Variants in ACSM4 observed in about 807,000 individuals in gnomAD.
ACSM4 encodes acyl-coenzyme A synthetase ACSM4, mitochondrial.
In ACSM4, 66 loss-of-function variants were observed where a neutral mutation model predicts 73.0. The ratio of observed to expected loss-of-function variants is 0.90; its 90% CI spans 0.74 to 1.11. The LOEUF is 1.11. Ranked by LOEUF, ACSM4 falls within the 50% of genes least tolerant of loss-of-function variation. ACSM4 has a pLI of 0.00. For missense variants in ACSM4, 645 were observed against 714.4 expected, an observed-to-expected ratio of 0.90 and a Z score of 1.11; for synonymous variants, 222 against 254.0, an observed-to-expected ratio of 0.87 and a Z score of 1.20.
chr12:7,319,127 C>A (rs779849869), intron 5 of ACSM4, among the ~76,000 whole-genome samples: 1 of 152,138 alleles, frequency 6.6e-6, no homozygotes, highest in South Asian at 2.1e-4. Flanking sequence ...ACTAGACAGT[C>A]CCATCTGGGG....
Position 7,324,375 on chromosome 12 carries a change from G to A in ACSM4, c.1411G>A (p.Ala471Thr). Reference protein sequence around the residue: ...SDGYFWFVGRADDVIISSGYR... With the variant: ...SDGYFWFVGRTDDVIISSGYR... ...TGGGTATTTCTGGTTTGTCGGCAGAGCTGATGATGTCATTATATCCTCTGG... is the reference window on the plus strand; with the variant it reads ...TGGGTATTTCTGGTTTGTCGGCAGAACTGATGATGTCATTATATCCTCTGG... The change falls in exon 10 of 13, where the codon GCT becomes ACT. Residue 471 changes from alanine to threonine, a missense_variant. By Grantham distance (58) the Ala-to-Thr change is moderately conservative. Transcript: ENST00000399422. The A allele has an allele frequency of 6.2e-7, 1 of 1,614,132 alleles. No homozygotes were observed. Among genetic ancestry groups the A allele is most frequent in the South Asian group, 1.1e-5 (1 of 91,084 alleles).
At chr12:7,306,508 C>T in intron 1 of ACSM4, 25 bp from the exon 2 acceptor site, 1 of 1,557,886 alleles carries the variant, frequency 6.4e-7, no homozygotes, top group Non-Finnish European at 8.7e-7. Context: ...ACCTACCCCT[C>T]TCTTTTCCAT....
chr12:7,306,842 G>GAAAA, intron 2 of ACSM4, 99 bp downstream of exon 2: 2 of 455,044 alleles, frequency 4.4e-6, no homozygotes, highest in Non-Finnish European at 5.9e-6. Context: ...TATGCATACA[G>GAAAA]AAGACAAAAA....
In ACSM4 at chr12:7,317,065, T is replaced by C. The variant is rs1392226091; in HGVS notation, c.621-72T>C. 2.0e-6 allele frequency: 3 copies of C among 1,518,638 alleles called. No individual in the cohort carries two copies. The East Asian group carries it at 7.1e-5, about 36-fold the overall frequency. The allele number at this position is 1,518,638 out of a possible 1,614,324, so 94.1% of individuals were successfully genotyped here. On this transcript the variant is annotated intron_variant, in intron 3 of 12. Transcript: ENST00000399422. Reference sequence around the variant, plus strand: ...CTGGTAGCAAGAGGGCATAAGTAGTTGAGCAGAGGAAATATCAGAGTCAAA... The same window carrying C: ...CTGGTAGCAAGAGGGCATAAGTAGTCGAGCAGAGGAAATATCAGAGTCAAA...
At chr12:7,309,643 C>G (rs966803357) in intron 2 of ACSM4, among the ~76,000 whole-genome samples, 1 of 152,014 alleles carries the variant, frequency 6.6e-6, no homozygotes, top group Middle Eastern at 3.4e-3. Flanking sequence ...GCTCAAGTGA[C>G]CCTCCTGCCT....
rs762385941 is a variant in ACSM4 at position 7,324,591 on chromosome 12, G to A, written c.1529G>A (p.Arg510His). 9 of 1,613,714 alleles carry A rather than the reference G, an allele frequency of 5.6e-6. No individual in the cohort carries two copies. The highest frequency in any genetic ancestry group is 2.7e-5 in the African/African-American group (2 of 74,906). The part of the protein sequence containing the change: ...SAVVSSPDQI[R>H]GEVVKAFVVL... ...GTTGTCAGTAGTCCAGATCAAATCCGCGGAGAGGTAGATGAATGTCATTTA... is the reference window on the plus strand; with the variant it reads ...GTTGTCAGTAGTCCAGATCAAATCCACGGAGAGGTAGATGAATGTCATTTA... The change falls in exon 11 of 13, where the codon CGC becomes CAC. Residue 510 changes from arginine (R) to histidine (H), a missense_variant. Physicochemically the swap from Arg to His is conservative, Grantham distance 29. Coordinates refer to ENST00000399422, the MANE Select transcript of ACSM4 (RefSeq NM_001080454.2).
chr12:7,304,461 T>C lies in ACSM4; in HGVS notation c.130T>C (p.Cys44Arg), dbSNP rs757791023. 15 of 1,613,914 alleles carry C rather than the reference T, an allele frequency of 9.3e-6. No homozygotes were observed. The highest frequency in any genetic ancestry group is 5.0e-5 in the Admixed American group (3 of 60,014). Residue 44 changes from cysteine (C) to arginine (R), a missense_variant, in exon 1 of 13, where the codon TGT becomes CGT. Transcript: ENST00000399422. ...TGCTGACTTTGAAGCCATAAATCGC[T>C]GTAACAGGCCATTGCCTAAAAACTT... The part of the protein sequence containing the change: ...TLADFEAINR[C>R]NRPLPKNFNF...
chr12:7,323,447 C>A lies in ACSM4; in HGVS notation c.1207-12C>A, dbSNP rs951818006. ...AAAATTTTAAGACCATCAATTATTT[C>A]TTTCATTCCAGATTATAGATGAAAA... On this transcript the variant is annotated splice_polypyrimidine_tract_variant and intron_variant, in intron 8 of 12. Transcript: ENST00000399422. 1.2e-6 allele frequency: 2 copies of A among 1,612,554 alleles called. No homozygotes were observed. Among genetic ancestry groups the A allele is most frequent in the South Asian group, 1.1e-5 (1 of 90,962 alleles).
At position 7,304,341 on chromosome 12, in the gene ACSM4, T is replaced by C; in HGVS notation, c.10T>C (p.Phe4Leu). MKI[F>L]FRYQTFRFIW... The stretch of plus-strand genomic sequence containing the variant: ...AAGTCCTTTGGGAACCATGAAGATT[T>C]TTTTCCGCTACCAGACATTTAGATT... The change falls in exon 1 of 13, where the codon TTT becomes CTT. Residue 4 changes from phenylalanine (F) to leucine (L), a missense_variant. By Grantham distance (22) the Phe-to-Leu change is conservative (BLOSUM62 0). Coordinates refer to ENST00000399422, the MANE Select transcript of ACSM4 (RefSeq NM_001080454.2). 3 of 1,613,906 alleles carry C rather than the reference T, an allele frequency of 1.9e-6. No homozygotes were observed. Among genetic ancestry groups the C allele is most frequent in the Non-Finnish European group, 2.5e-6 (3 of 1,179,846 alleles).
intron 3 of ACSM4, among the ~76,000 whole-genome samples, chr12:7,316,180 G>T (rs1216477414): frequency 3.9e-5 from 6 of 152,090 alleles, no homozygotes; most frequent in African/African-American, 1.4e-4. Context: ...GGGATGGAAG[G>T]AATCATGGAG....
In ACSM4 at chr12:7,306,751, C is replaced by A. The variant is rs371701333; in HGVS notation, c.412+8C>A. 5 of 1,599,020 alleles carry A rather than the reference C, an allele frequency of 3.1e-6. No homozygotes were observed. In the African/African-American group the frequency reaches 6.8e-5, roughly 22 times the overall value. On this transcript the variant is annotated splice_region_variant and intron_variant, in intron 2 of 12. Coordinates refer to ENST00000399422, the MANE Select transcript of ACSM4 (RefSeq NM_001080454.2). ...TAGCTTGCATACGAACAGGTCAGTG[C>A]CAATATTAGCATTCTAAATCACACA...
intron 3 of ACSM4, among the ~76,000 whole-genome samples, chr12:7,311,856 A>T (rs1376578238): frequency 1.3e-5 from 2 of 152,044 alleles, no homozygotes; most frequent in African/African-American, 4.8e-5. Context: ...CCCCTGGCTC[A>T]TTTTTGTATT....
intron 5 of ACSM4, among the ~76,000 whole-genome samples, chr12:7,319,056 A>C (rs760993889): frequency 1.3e-5 from 2 of 152,314 alleles, no homozygotes; most frequent in Non-Finnish European, 2.9e-5. Context: ...TGTATAACGA[A>C]ATAATTATAC....
chr12:7,323,294 A>G lies in ACSM4; in HGVS notation c.1186A>G (p.Met396Val), dbSNP rs1334778121. The G allele has an allele frequency of 6.2e-7, 1 of 1,611,074 alleles. No homozygotes were observed. Among genetic ancestry groups the G allele is most frequent in the East Asian group, 2.2e-5 (1 of 44,762 alleles). ...EIKPGSMGKG[M>V]LPYDVQIIDE... ...TAAACCAGGTTCAATGGGGAAAGGA[A>G]TGCTGCCCTATGATGTCCAGGTAGG... The change falls in exon 8 of 13, where the codon ATG (methionine) becomes GTG (valine). Residue 396 changes from methionine to valine, a missense_variant. Coordinates refer to ENST00000399422, the MANE Select transcript of ACSM4 (RefSeq NM_001080454.2).
chr12:7,319,288 G>A (rs1461829111), intron 5 of ACSM4, among the ~76,000 whole-genome samples: 1 of 152,126 alleles, frequency 6.6e-6, no homozygotes, highest in African/African-American at 2.4e-5. Context: ...AGCTCAGGTG[G>A]TAATGCGGGC....
intron 3 of ACSM4, among the ~76,000 whole-genome samples, chr12:7,315,611 C>A (rs1257023017): frequency 6.6e-6 from 1 of 151,346 alleles, no homozygotes; most frequent in African/African-American, 2.4e-5. Flanking sequence ...GACTCCATTG[C>A]AAAAAATAAA....
rs1591845252 is a variant in ACSM4 at position 7,320,884 on chromosome 12, G to C, written c.1001+80G>C. 3 of 1,235,784 alleles carry C rather than the reference G, an allele frequency of 2.4e-6. No individual in the cohort carries two copies. The East Asian group carries it at 7.3e-5, about 30-fold the overall frequency. 76.6% of individuals were successfully genotyped at this position (1,235,784 alleles called of 1,614,324 possible). A position where few individuals can be genotyped will look rare whatever the true frequency, so the allele number is the denominator to read the frequency against. On this transcript the variant is annotated intron_variant, in intron 6 of 12. Coordinates refer to ENST00000399422, the MANE Select transcript of ACSM4 (RefSeq NM_001080454.2). The stretch of plus-strand genomic sequence containing the variant: ...CACAGATCTCTCTTTTTCAGCATAG[G>C]ATAGCTCAGGCTTTCTCAGTCTTAC...
At position 7,320,761 on chromosome 12, in the gene ACSM4, C is replaced by T. The variant is rs1449700499; in HGVS notation, c.958C>T (p.Pro320Ser). The change falls in exon 6 of 13, where the codon CCT becomes TCT. Residue 320 changes from proline (P) to serine (S), a missense_variant. Pro to Ser is a moderately conservative substitution (Grantham distance 74, BLOSUM62 -1). Transcript: ENST00000399422. Reference sequence around the variant, plus strand: ...TTATCCCATCACGACCCTGTGCAGTCCTCCCACTGTGTACCGGATGCTCGT... The same window carrying T: ...TTATCCCATCACGACCCTGTGCAGTTCTCCCACTGTGTACCGGATGCTCGT... The part of the protein sequence containing the change: ...TTYPITTLCS[P>S]PTVYRMLVQK... 1 of 1,613,706 alleles carries T rather than the reference C, an allele frequency of 6.2e-7. No homozygotes were observed. The highest frequency in any genetic ancestry group is 8.5e-7 in the Non-Finnish European group (1 of 1,179,756).
intron 5 of ACSM4, chr12:7,318,491 A>C (rs1946437408): frequency 3.9e-6 from 1 of 259,396 alleles, no homozygotes. Flanking sequence ...CTGAAGTCTA[A>C]ACAAATACTT....
Sources: gnomAD v4.1 joint callset for allele counts (sites outside exome capture counted in the v4.1 genomes callset) on GRCh38, gnomAD v4.1.1 for gene constraint, MANE v1.5 for transcripts, NCBI Gene and HGNC (gene_info 2026-07-23, HGNC 2026-07-21) for gene names.